ZMYM4: variants seen among roughly 807,000 people sequenced by gnomAD.
ZMYM4 encodes the protein zinc finger MYM-type containing 4.
A neutral mutation model predicts 183.2 loss-of-function variants in ZMYM4; 31 were observed. That is an observed-to-expected ratio of 0.17 (90% CI 0.13 to 0.23). ZMYM4 has a LOEUF of 0.23. ZMYM4 is among the 10% of genes least tolerant of loss of function. ZMYM4 has a pLI of 1.00. For synonymous variants in ZMYM4, 592 were observed against 631.2 expected, an observed-to-expected ratio of 0.94 and a Z score of 0.93; for missense variants, 1,273 against 1,840.3, an observed-to-expected ratio of 0.69 and a Z score of 5.64.
chr1:35,349,381 G>T (rs1643513952), intron 2 of ZMYM4, among the ~76,000 whole-genome samples: 1 of 152,096 alleles, frequency 6.6e-6, no homozygotes, highest in South Asian at 2.1e-4. Flanking sequence ...TATGTCTCAA[G>T]TAAAAATAAA....
At chr1:35,352,427 C>T (rs1044895739) in intron 2 of ZMYM4, among the ~76,000 whole-genome samples, 1 of 150,610 alleles carries the variant, frequency 6.6e-6, no homozygotes, top group Non-Finnish European at 1.5e-5. Context: ...CACACACAGC[C>T]AAAGTCCTAA....
rs188123361 is a variant in ZMYM4, at chr1:35,402,842, C to T, written c.3529-2181C>T. Among the ~76,000 whole-genome samples the T allele has an allele frequency of 1.1e-4, 14 of 132,542 alleles. No individual in the cohort carries two copies. The East Asian group carries it at 3.8e-3, about 36-fold the overall frequency. 87.0% of individuals were successfully genotyped at this position (132,542 alleles called of 152,430 possible). A position where few individuals can be genotyped will look rare whatever the true frequency, so the allele number is the denominator to read the frequency against. On this transcript the variant is annotated intron_variant, in intron 23 of 29. Coordinates refer to ENST00000314607, the MANE Select transcript of ZMYM4 (RefSeq NM_005095.3). ...AATAAAGACAGTTTTACTTTGTAATCTGAATGCATTTTCTTTCCTTCTTTT... is the reference window on the plus strand; with the variant it reads ...AATAAAGACAGTTTTACTTTGTAATTTGAATGCATTTTCTTTCCTTCTTTT...
rs756080945 is a variant in ZMYM4 at position 35,294,022 on chromosome 1, CT to C, written c.39+24938del. Among the ~76,000 whole-genome samples, 98 of 151,894 alleles carry C rather than the reference CT, an allele frequency of 6.5e-4. 1 individual carries two copies. Among genetic ancestry groups the C allele is most frequent in the Middle Eastern group, 3.2e-3 (1 of 316 alleles). ...TGGTGGCACGCGCCTGCAGTCCCAGCTACTTGGGAGGCTGAGGCAGGAGAAT... is the reference window on the plus strand; with the variant it reads ...TGGTGGCACGCGCCTGCAGTCCCAGCACTTGGGAGGCTGAGGCAGGAGAAT... On this transcript the variant is annotated intron_variant, in intron 1 of 29. Coordinates refer to ENST00000314607, the MANE Select transcript of ZMYM4 (RefSeq NM_005095.3).
intron 1 of ZMYM4, among the ~76,000 whole-genome samples, chr1:35,290,568 T>A (rs1444092530): frequency 1.3e-5 from 2 of 152,102 alleles, no homozygotes; most frequent in African/African-American, 2.4e-5. Context: ...TAGCTAGGAC[T>A]AGAGGTGCAT....
At chr1:35,286,729 G>T (rs142206686) in intron 1 of ZMYM4, among the ~76,000 whole-genome samples, 1 of 142,998 alleles carries the variant, frequency 7.0e-6, no homozygotes, top group East Asian at 2.0e-4. Flanking sequence ...CACCTGAGCA[G>T]CTAGGACCAC....
chr1:35,381,512 C>T, intron 8 of ZMYM4, 34 bp from the exon 9 acceptor site: 1 of 1,613,458 alleles, frequency 6.2e-7, no homozygotes, highest in Non-Finnish European at 8.5e-7. Flanking sequence ...GCTCTCTGCT[C>T]CTTGTTTTTG....
intron 11 of ZMYM4, 126 bp downstream of exon 11, chr1:35,386,315 C>T: frequency 1.6e-6 from 1 of 621,238 alleles, no homozygotes; most frequent in African/African-American, 1.9e-5. Flanking sequence ...TTAATTGGCT[C>T]ACAGTTCCAC....
intron 1 of ZMYM4, among the ~76,000 whole-genome samples, chr1:35,281,809 C>A (rs1051901095): frequency 6.6e-6 from 1 of 152,108 alleles, no homozygotes; most frequent in African/African-American, 2.4e-5. Flanking sequence ...TATGCAGTAA[C>A]CCTGCATGGT....
chr1:35,366,370 G>C (rs904441203), intron 5 of ZMYM4, among the ~76,000 whole-genome samples: 1 of 152,126 alleles, frequency 6.6e-6, no homozygotes, highest in African/African-American at 2.4e-5. Flanking sequence ...ATTACTAAAA[G>C]AATACAAGTT....
intron 1 of ZMYM4, among the ~76,000 whole-genome samples, chr1:35,275,998 G>T (rs900242628): frequency 1.3e-5 from 2 of 152,066 alleles, no homozygotes; most frequent in Non-Finnish European, 2.9e-5. Context: ...CCTCCTAGAA[G>T]CTTTAATTAG....
intron 2 of ZMYM4, among the ~76,000 whole-genome samples, chr1:35,340,390 A>G (rs1184864829): frequency 1.3e-5 from 2 of 152,096 alleles, no homozygotes; most frequent in Non-Finnish European, 2.9e-5. Flanking sequence ...GGGATGATTC[A>G]AGCACATTAC....
At chr1:35,375,513 A>T (rs1644315853) in intron 7 of ZMYM4, among the ~76,000 whole-genome samples, 1 of 152,224 alleles carries the variant, frequency 6.6e-6, no homozygotes, top group Non-Finnish European at 1.5e-5. Context: ...ATCATTCCCC[A>T]TAAGAAGGGT....
chr1:35,344,692 A>G (rs1177909731), intron 2 of ZMYM4, among the ~76,000 whole-genome samples: 1 of 152,106 alleles, frequency 6.6e-6, no homozygotes, highest in Non-Finnish European at 1.5e-5. Context: ...CTTATGATAT[A>G]TTATTTGTTT....
chr1:35,317,199 G>A (rs1428301299), intron 1 of ZMYM4, among the ~76,000 whole-genome samples: 9 of 151,818 alleles, frequency 5.9e-5, no homozygotes, highest in Admixed American at 3.9e-4. Context: ...TTGGGAGGCC[G>A]AGGCAGGTGG....
In ZMYM4 at chr1:35,419,702, A is replaced by G; in HGVS notation, c.*25A>G. 1 of 1,611,984 alleles carries G rather than the reference A, an allele frequency of 6.2e-7. No homozygotes were observed. Among genetic ancestry groups the G allele is most frequent in the Admixed American group, 1.7e-5 (1 of 59,956 alleles). On this transcript the variant is annotated 3_prime_UTR_variant, in exon 30 of 30. Transcript: ENST00000314607. ...AAACGGAAGTGAGGTTCTTATTTTC[A>G]TACATATTGGTATGCACCAAACTGT...
rs763224483 is a variant in ZMYM4, at chr1:35,358,987, G to A, written c.148G>A (p.Asp50Asn). ...DIDHNLTPTL[D>N]SMSYGMPNQT... is the part of the protein sequence containing the mutation. ...AGACCACAACTTAACTCCTACCCTT[G>A]ACAGCATGTCTTATGGAATGCCGAA... The change falls in exon 3 of 30, where the codon GAC (aspartate) becomes AAC (asparagine). Residue 50 changes from aspartate to asparagine, a missense_variant. This residue lies in a region of ZMYM4 where 384 missense variants were observed against 465.6 expected (regional missense o/e 0.82). Coordinates refer to ENST00000314607, the MANE Select transcript of ZMYM4 (RefSeq NM_005095.3). 1.9e-6 allele frequency: 3 copies of A among 1,613,560 alleles called. No individual in the cohort carries two copies. The highest frequency in any genetic ancestry group is 3.3e-5 in the Admixed American group (2 of 59,990).
intron 1 of ZMYM4, among the ~76,000 whole-genome samples, chr1:35,301,495 A>G (rs1347419317): frequency 6.6e-6 from 1 of 151,728 alleles, no homozygotes; most frequent in Non-Finnish European, 1.5e-5. Context: ...GCAGTGAGCC[A>G]AGGTCATGCC....
chr1:35,320,268 C>G (rs1007942042), intron 1 of ZMYM4, among the ~76,000 whole-genome samples: 2 of 152,124 alleles, frequency 1.3e-5, no homozygotes, highest in Non-Finnish European at 2.9e-5. Flanking sequence ...GCAGCAGTGC[C>G]AATGATTTAC....
At chr1:35,316,669 CAA>C (rs1193631071) in intron 1 of ZMYM4, among the ~76,000 whole-genome samples, 1 of 151,924 alleles carries the variant, frequency 6.6e-6, no homozygotes, top group Non-Finnish European at 1.5e-5. Flanking sequence ...AATGGATACT[CAA>C]GAGGAGAGAA....
Sources: gnomAD v4.1 joint callset for allele counts (sites outside exome capture counted in the v4.1 genomes callset) on GRCh38, gnomAD v4.1.1 for gene constraint, gnomAD v4.1.1 regional missense constraint, MANE v1.5 for transcripts, NCBI Gene and HGNC (gene_info 2026-07-23, HGNC 2026-07-21) for gene names.